RBFOX1: variants seen among roughly 807,000 people sequenced by gnomAD.
RBFOX1 encodes the protein RNA binding fox-1 homolog 1, also known as RNA binding protein fox-1 homolog 1.
In RBFOX1, 8 loss-of-function variants were observed where a neutral mutation model predicts 57.7. The ratio of observed to expected loss-of-function variants is 0.14; its 90% CI spans 0.08 to 0.25. The LOEUF (loss-of-function observed/expected upper bound fraction) is 0.25. RBFOX1 is among the 10% of genes least tolerant of loss of function. The probability of loss-of-function intolerance (pLI) is 1.00; values close to 1 mark genes in which losing one functional copy is unlikely to be tolerated. For synonymous variants in RBFOX1, 326 were observed against 222.4 expected (o/e 1.47, Z -4.15); for missense variants, 611 against 548.5 (o/e 1.11, Z -1.14).
chr16:5,428,379 C>T (rs1043397244), intron 1 of RBFOX1, among the ~76,000 whole-genome samples: 1 of 152,060 alleles, frequency 6.6e-6, no homozygotes. Flanking sequence ...AAGTAGGAGG[C>T]GTCCCCAACA....
At chr16:7,268,304 G>A (rs1040939133) in intron 4 of RBFOX1, among the ~76,000 whole-genome samples, 19 of 152,194 alleles carry the variant, frequency 1.2e-4, no homozygotes, top group African/African-American at 4.6e-4. Flanking sequence ...TTCAGGGAAC[G>A]GACAGTAGGG....
rs367741198 is a variant in RBFOX1, at chr16:7,304,274, A to G, written c.28-213873A>G. The G allele has an allele frequency of 6.8e-5, 67 of 984,746 alleles. No individual in the cohort carries two copies. In the East Asian group the frequency reaches 2.4e-3, roughly 35 times the overall value. 61.0% of individuals were successfully genotyped at this position (984,746 alleles called of 1,614,324 possible). A position where few individuals can be genotyped will look rare whatever the true frequency, so the allele number is the denominator to read the frequency against. On this transcript the variant is annotated intron_variant, in intron 4 of 15. Transcript: ENST00000550418. ...AGCGCGAGCCACCGGTCATTGACTT[A>G]GATAACCAGCAAAATTAAAAAAGAA... is the stretch of plus-strand genomic sequence containing the variant.
chr16:6,626,345 G>A (rs1191396651), intron 2 of RBFOX1, among the ~76,000 whole-genome samples: 1 of 152,106 alleles, frequency 6.6e-6, no homozygotes, highest in Non-Finnish European at 1.5e-5. Context: ...ATGGTGTGGA[G>A]GAGTGGGTGT....
intron 4 of RBFOX1, among the ~76,000 whole-genome samples, chr16:7,209,323 G>C (rs1232248139): frequency 6.6e-6 from 1 of 152,072 alleles, no homozygotes; most frequent in African/African-American, 2.4e-5. Context: ...CGACAAGAGC[G>C]AAACTCTGTT....
In RBFOX1 at chr16:5,293,581, T is replaced by C. The variant is rs537573613; in HGVS notation, c.219+53476T>C. Among the ~76,000 whole-genome samples, 481 of 152,306 alleles carry C rather than the reference T, an allele frequency of 3.2e-3. 2 individuals carry two copies. Among genetic ancestry groups the C allele is most frequent in the Non-Finnish European group, 5.7e-3 (389 of 68,024 alleles). ...CATGTAGTAGGCACCAATACTTCCA[T>C]TGTATGGATATAGCACATTTTGTTT... On this transcript the variant is annotated intron_variant, in intron 1 of 2. Transcript: ENST00000585867.
At chr16:5,864,804 C>T (rs572997429) in intron 3 of RBFOX1, among the ~76,000 whole-genome samples, 3 of 152,220 alleles carry the variant, frequency 2.0e-5, no homozygotes, top group Non-Finnish European at 4.4e-5. Flanking sequence ...AAAACTGAAA[C>T]GCAAATGGCT....
intron 3 of RBFOX1, among the ~76,000 whole-genome samples, chr16:6,667,581 C>T (rs931300450): frequency 2.0e-5 from 3 of 152,038 alleles, no homozygotes; most frequent in African/African-American, 7.2e-5. Context: ...ACAGGATGCA[C>T]CTTGAATAAC....
chr16:6,360,352 C>T (rs937240490), intron 2 of RBFOX1, among the ~76,000 whole-genome samples: 3 of 151,850 alleles, frequency 2.0e-5, no homozygotes, highest in African/African-American at 4.8e-5. Context: ...ATATTTAATA[C>T]TATTATACTT....
intron 2 of RBFOX1, among the ~76,000 whole-genome samples, chr16:6,521,965 C>A (rs1567543427): frequency 1.3e-5 from 2 of 152,212 alleles, no homozygotes; most frequent in Non-Finnish European, 2.9e-5. Context: ...ATTAAAAGTT[C>A]AGCTCTCACT....
intron 4 of RBFOX1, among the ~76,000 whole-genome samples, chr16:7,345,621 G>A (rs1468033893): frequency 4.6e-5 from 7 of 152,050 alleles, no homozygotes; most frequent in Non-Finnish European, 1.5e-5. Context: ...ATCAGCCGCC[G>A]AGTCCCCTCT....
chr16:6,755,212 G>A (rs201217663), intron 3 of RBFOX1, among the ~76,000 whole-genome samples: 1 of 152,166 alleles, frequency 6.6e-6, no homozygotes, highest in African/African-American at 2.4e-5. Context: ...TCCTTTGGGT[G>A]TATACCCAGT....
At position 5,383,268 on chromosome 16, in the gene RBFOX1, C is replaced by T. The variant is rs143359209; in HGVS notation, c.220-83948C>T. Among the ~76,000 whole-genome samples, 29 of 152,192 alleles carry T rather than the reference C, an allele frequency of 1.9e-4. 2 individuals are homozygous for T. The East Asian group carries it at 5.4e-3, about 28-fold the overall frequency. The stretch of plus-strand genomic sequence containing the variant: ...CTGAAATTCATGAATGTATAAGTGG[C>T]GCCCACTGGTGTGGGGAAAAGGTGG... On this transcript the variant is annotated intron_variant, in intron 1 of 2. Coordinates refer to the RBFOX1 transcript ENST00000585867.
chr16:5,908,193 T>C (rs1356578335), intron 4 of RBFOX1, among the ~76,000 whole-genome samples: 3 of 131,300 alleles, frequency 2.3e-5, no homozygotes, highest in Non-Finnish European at 4.7e-5. Flanking sequence ...TATACACATA[T>C]ATACATATAC....
intron 4 of RBFOX1, among the ~76,000 whole-genome samples, chr16:7,073,620 G>T (rs990050634): frequency 6.6e-6 from 1 of 152,072 alleles, no homozygotes; most frequent in African/African-American, 2.4e-5. Flanking sequence ...GAGGTGAGTG[G>T]AGCACTTGAG....
At chr16:5,397,916 C>T (rs749998271) in intron 1 of RBFOX1, among the ~76,000 whole-genome samples, 1 of 152,222 alleles carries the variant, frequency 6.6e-6, no homozygotes, top group Admixed American at 6.5e-5. Flanking sequence ...TATGGTAACA[C>T]TATGTGCCAC....
chr16:7,023,731 C>G (rs145692970), intron 3 of RBFOX1, among the ~76,000 whole-genome samples: 2 of 152,046 alleles, frequency 1.3e-5, no homozygotes, highest in Non-Finnish European at 1.5e-5. Context: ...TACACAGAAA[C>G]AGGTATCACT....
chr16:6,320,244 C>A (rs902824487), intron 2 of RBFOX1, among the ~76,000 whole-genome samples: 1 of 152,136 alleles, frequency 6.6e-6, no homozygotes, highest in Non-Finnish European at 1.5e-5. Context: ...AGACTCGCAG[C>A]TTTTGTCCCT....
intron 2 of RBFOX1, among the ~76,000 whole-genome samples, chr16:6,562,833 T>TTTCTTTCTTTCTTTCC (rs2097196704): frequency 5.1e-5 from 1 of 19,562 alleles, no homozygotes; most frequent in Non-Finnish European, 8.4e-5. Flanking sequence ...TCTTGATTCT[T>TTTCTTTCTTTCTTTCC]TTCTTTCTTT....
chr16:6,871,197 T>A (rs2060807277), intron 3 of RBFOX1, among the ~76,000 whole-genome samples: 2 of 152,164 alleles, frequency 1.3e-5, no homozygotes, highest in African/African-American at 4.8e-5. Context: ...CACCCCTGCT[T>A]TTTTTGGAGA....
Sources: gnomAD v4.1 joint callset for allele counts (sites outside exome capture counted in the v4.1 genomes callset) on GRCh38, gnomAD v4.1.1 for gene constraint, MANE v1.5 for transcripts, NCBI Gene and HGNC (gene_info 2026-07-23, HGNC 2026-07-21) for gene names.